ERCC4: variants seen among roughly 807,000 people sequenced by gnomAD.
The protein encoded by ERCC4 is ERCC excision repair 4, endonuclease catalytic subunit.
A neutral mutation model predicts 76.9 loss-of-function variants in ERCC4; 65 were observed. The ratio of observed to expected loss-of-function variants is 0.84; its 90% CI spans 0.69 to 1.04. The LOEUF (loss-of-function observed/expected upper bound fraction) is 1.04, where lower values mean the gene tolerates loss of function less well. ERCC4 is among the 50% of genes least tolerant of loss of function. The probability of loss-of-function intolerance (pLI) is 0.00; values close to 1 mark genes in which losing one functional copy is unlikely to be tolerated. For synonymous variants in ERCC4, 463 were observed against 410.1 expected (o/e 1.13, Z -1.56); for missense variants, 1,214 against 1,128.2 (o/e 1.08, Z -1.09).
At position 13,928,118 on chromosome 16, in the gene ERCC4, A is replaced by G. The variant is rs764731249; in HGVS notation, c.675A>G (p.Ile225Met). ...CTATGACACCTACCATGCTTGCTATACAGACTGCTATACTGGACATTTTAA... is the reference window on the plus strand; with the variant it reads ...CTATGACACCTACCATGCTTGCTATGCAGACTGCTATACTGGACATTTTAA... ...HVSMTPTMLA[I>M]QTAILDILNA... is the part of the protein sequence containing the mutation. Residue 225 changes from isoleucine (I) to methionine (M), a missense_variant, in exon 4 of 11, where the codon ATA (isoleucine) becomes ATG (methionine). By Grantham distance (10) the Ile-to-Met change is conservative. Coordinates refer to ENST00000311895, the MANE Select transcript of ERCC4 (RefSeq NM_005236.3). 1 of 1,613,268 alleles carries G rather than the reference A, an allele frequency of 6.2e-7. No individual in the cohort carries two copies. Among genetic ancestry groups the G allele is most frequent in the East Asian group, 2.2e-5 (1 of 44,822 alleles).
chr16:13,927,545 G>A (rs191367455), intron 3 of ERCC4: 3,827 of 127,138 alleles, frequency 0.03, 178 homozygotes, highest in African/African-American at 0.12. Flanking sequence ...GGCAACGAGC[G>A]AAACTCCATC....
At chr16:13,937,518 T>C (rs1019127926) in intron 8 of ERCC4, among the ~76,000 whole-genome samples, 39 of 152,232 alleles carry the variant, frequency 2.6e-4, no homozygotes, top group Non-Finnish European at 4.7e-4. Flanking sequence ...TATTTCAGTG[T>C]TTACCTAAAC....
At chr16:13,935,062 C>A in intron 7 of ERCC4, 84 bp from the exon 8 acceptor site, 1 of 1,040,284 alleles carries the variant, frequency 9.6e-7, no homozygotes, top group Non-Finnish European at 1.5e-6. Flanking sequence ...GATGTCTTCC[C>A]TTCGGGTGAA....
rs753149023 is a variant in ERCC4 at position 13,930,803 on chromosome 16, C to T, written c.886C>T (p.Gln296Ter). The T allele has an allele frequency of 2.5e-6, 4 of 1,611,110 alleles. No homozygotes were observed. The highest frequency in any genetic ancestry group is 3.3e-5 in the Admixed American group (2 of 60,014). ...QDLKILRTLL[Q>*]YLSQYDCVTF... ...TTTGAAGATATTACGAACTTTGCTG[C>T]AGTATCTCTCTCAGTATGATTGTGT... Residue 296 changes from glutamine to a stop codon, truncating the protein, a stop_gained, in exon 5 of 11, where the codon CAG becomes TAG. Transcript: ENST00000311895. LOFTEE classifies it high-confidence loss of function.
chr16:13,945,982 T>G (rs964756984), intron 10 of ERCC4, among the ~76,000 whole-genome samples: 1 of 152,240 alleles, frequency 6.6e-6, no homozygotes. Context: ...CAAATGGGTT[T>G]CACAAGGCTA....
At chr16:13,928,419 T>G (rs1484206906) in intron 4 of ERCC4, among the ~76,000 whole-genome samples, 184 bp downstream of exon 4, 1 of 152,234 alleles carries the variant, frequency 6.6e-6, no homozygotes, top group Non-Finnish European at 1.5e-5. Context: ...GTATGTGGAT[T>G]GGCATATAAG....
intron 2 of ERCC4, among the ~76,000 whole-genome samples, chr16:13,926,069 G>C (rs1444853543): frequency 6.6e-6 from 1 of 151,978 alleles, no homozygotes; most frequent in Non-Finnish European, 1.5e-5. Flanking sequence ...ATGTTGCCCA[G>C]ACTTCTAAAA....
Position 13,928,469 on chromosome 16 carries a change from CTTATT to C in ERCC4, c.792+238_792+242del, listed in dbSNP as rs3136095. 1.1e-3 allele frequency among the ~76,000 whole-genome samples: 172 copies of C among 152,200 alleles called. 1 individual carries two copies. The highest frequency in any genetic ancestry group is 3.9e-3 in the African/African-American group (162 of 41,548). ...TTGCAGTTATAGTAAGTGATTATCT[CTTATT>C]TTAACTATAATCAAGAAGAAAATAA... On this transcript the variant is annotated intron_variant, in intron 4 of 10. Transcript: ENST00000311895.
At chr16:13,926,824 A>C in intron 3 of ERCC4, 68 bp downstream of exon 3, 1 of 1,193,104 alleles carries the variant, frequency 8.4e-7, no homozygotes, top group African/African-American at 1.5e-5. Context: ...ATCTACTGTA[A>C]CTTAGTTGCA....
At chr16:13,944,014 T>G (rs1284487386) in intron 9 of ERCC4, 1 of 152,478 alleles carries the variant, frequency 6.6e-6, no homozygotes, top group Non-Finnish European at 1.5e-5. Context: ...AGACAGGAAT[T>G]CTTGCGTGAT....
Position 13,928,009 on chromosome 16 carries a change from A to G in ERCC4, c.585-19A>G. The G allele has an allele frequency of 1.9e-6, 3 of 1,594,274 alleles. No homozygotes were observed. In the South Asian group the frequency reaches 3.3e-5, roughly 18 times the overall value. On this transcript the variant is annotated intron_variant, in intron 3 of 10. Coordinates refer to ENST00000311895, the MANE Select transcript of ERCC4 (RefSeq NM_005236.3). Reference sequence around the variant, plus strand: ...TGCTGAAACTCTAGAAAATTGTTGAAAAATATTTGTCTCTTTAGGTTCCAT... The same window carrying G: ...TGCTGAAACTCTAGAAAATTGTTGAGAAATATTTGTCTCTTTAGGTTCCAT...
intron 2 of ERCC4, among the ~76,000 whole-genome samples, chr16:13,925,448 C>CT (rs2141943448): frequency 6.6e-6 from 1 of 152,210 alleles, no homozygotes; most frequent in East Asian, 1.9e-4. Context: ...ATTGAAAATC[C>CT]TTTGTCTATG....
intron 6 of ERCC4, chr16:13,933,605 G>C (rs1303312038): frequency 6.6e-6 from 1 of 152,602 alleles, no homozygotes; most frequent in Non-Finnish European, 1.5e-5. Context: ...CTACTTGGGA[G>C]GCTGAGGCAG....
At chr16:13,922,003 C>T (rs1364233549) in intron 1 of ERCC4, 28 bp from the exon 2 acceptor site, 4 of 1,546,358 alleles carry the variant, frequency 2.6e-6, no homozygotes, top group South Asian at 2.2e-5. Context: ...TATTAAATAG[C>T]CTACTAATCA....
chr16:13,941,538 A>G (rs1396355124), intron 9 of ERCC4, among the ~76,000 whole-genome samples: 2 of 152,234 alleles, frequency 1.3e-5, no homozygotes, highest in Non-Finnish European at 2.9e-5. Context: ...GAACAAAAGC[A>G]GTTGTGGCTC....
intron 3 of ERCC4, chr16:13,927,802 C>T: frequency 2.0e-6 from 1 of 511,074 alleles, no homozygotes. Flanking sequence ...CAGGATTTGG[C>T]CCAGACCGTA....
At chr16:13,931,088 A>G in intron 5 of ERCC4, 198 bp downstream of exon 5, 3 of 587,918 alleles carry the variant, frequency 5.1e-6, no homozygotes, top group South Asian at 2.1e-5. Flanking sequence ...TCTGTTCTGT[A>G]TAATAATAAA....
chr16:13,926,921 A>G, intron 3 of ERCC4, 165 bp downstream of exon 3: 1 of 625,638 alleles, frequency 1.6e-6, no homozygotes. Flanking sequence ...AGCTATAAAT[A>G]TGTATTCACC....
chr16:13,937,980 A>C (rs916376830), intron 9 of ERCC4, 122 bp downstream of exon 9: 6 of 714,240 alleles, frequency 8.4e-6, no homozygotes, highest in South Asian at 3.0e-5. Context: ...GATCACATTG[A>C]GATAAACCTG....
Sources: allele counts gnomAD v4.1 joint callset (sites outside exome capture counted in the v4.1 genomes callset), GRCh38; gene constraint gnomAD v4.1.1; transcripts MANE v1.5; gene names NCBI Gene and HGNC (gene_info 2026-07-23, HGNC 2026-07-21).